TNNI3: variants seen among roughly 807,000 people sequenced by gnomAD.
TNNI3 encodes troponin I, cardiac muscle.
In TNNI3, 23 loss-of-function variants were observed where a neutral mutation model predicts 31.5. The observed-to-expected ratio is 0.73, with a 90% CI of 0.52 to 1.03. The LOEUF (loss-of-function observed/expected upper bound fraction) is 1.03. Ranked by LOEUF, TNNI3 falls within the 50% of genes least tolerant of loss-of-function variation. The pLI, the probability that TNNI3 is intolerant of heterozygous loss-of-function variation, is 0.00. For synonymous variants in TNNI3, 120 were observed against 111.7 expected (o/e 1.07, Z -0.47); for missense variants, 236 against 282.9 (o/e 0.83, Z 1.19).
At position 55,151,776 on chromosome 19, in the gene TNNI3, A is replaced by G; in HGVS notation, c.*58T>C. On this transcript the variant is annotated 3_prime_UTR_variant, in exon 8 of 8. Coordinates refer to ENST00000344887, the MANE Select transcript of TNNI3 (RefSeq NM_000363.5). The stretch of plus-strand genomic sequence containing the variant: ...ATAGACATGGAGTCACTTTCAGCTC[A>G]GAGAGAAGCTTTATTCCTCAGGGCC... The G allele has an allele frequency of 6.5e-7, 1 of 1,540,646 alleles. No individual in the cohort carries two copies. Among genetic ancestry groups the G allele is most frequent in the Non-Finnish European group, 9.0e-7 (1 of 1,113,940 alleles).
chr19:55,153,155 C>T (rs1249377568), intron 7 of TNNI3, among the ~76,000 whole-genome samples: 2 of 151,898 alleles, frequency 1.3e-5, no homozygotes, highest in Admixed American at 1.3e-4. Context: ...TGGTCTCGAA[C>T]TCCAGAGCTC....
Position 55,154,051 on chromosome 19 carries a change from C to T in TNNI3, c.528G>A (p.Val176=). 1.2e-6 allele frequency: 2 copies of T among 1,612,466 alleles called. No homozygotes were observed. The highest frequency in any genetic ancestry group is 1.9e-4 in the Middle Eastern group (1 of 5,380). The part of the protein sequence containing the change: ...SLDLRAHLKQ[V]KKEDTEKENR... ...TCACCTTCTCGGTGTCCTCCTTCTT[C>T]ACCTGCTTGAGGTGGGCCCGCAGGT... Residue 176 remains valine, a synonymous_variant, in exon 7 of 8, where the codon GTG becomes GTA. Transcript: ENST00000344887.
chr19:55,156,295 C>G lies in TNNI3; in HGVS notation c.188G>C (p.Arg63Pro). The part of the protein sequence containing the change: ...LLQIAKQELE[R>P]EAEERRGEKG... The stretch of plus-strand genomic sequence containing the variant: ...CTCTCCGCGCCGCTCCTCCGCCTCT[C>G]GCTCCAGCTCTTGCTTTGCAATCTG... Residue 63 changes from arginine (R) to proline (P), a missense_variant, in exon 5 of 8, where the codon CGA becomes CCA. Arg to Pro is a moderately radical substitution (Grantham distance 103, BLOSUM62 -2). Coordinates refer to ENST00000344887, the MANE Select transcript of TNNI3 (RefSeq NM_000363.5). The surrounding 1 kb of genome is among the most constrained non-coding windows in gnomAD (Gnocchi z 4.6). The G allele has an allele frequency of 6.2e-7, 1 of 1,610,768 alleles. No homozygotes were observed. The highest frequency in any genetic ancestry group is 8.5e-7 in the Non-Finnish European group (1 of 1,179,192).
rs2147286009 is a variant in TNNI3 at position 55,157,116 on chromosome 19, A to G, written c.42T>C (p.Pro14=). ...GSSDAAREPR[P]APAPIRRRSS... is the part of the protein sequence containing the mutation. Reference sequence around the variant, plus strand: ...AGCGGCGTCTGATTGGGGCTGGTGCAGGGCGAGGTTCCCTAGCCTGGGTTA... The same window carrying G: ...AGCGGCGTCTGATTGGGGCTGGTGCGGGGCGAGGTTCCCTAGCCTGGGTTA... Residue 14 remains proline (P), a synonymous_variant, in exon 3 of 8, where the codon CCT becomes CCC. Transcript: ENST00000344887. This position sits in a 1 kb window ranked among gnomAD's most constrained non-coding sequence, Gnocchi z 6.3. 7 of 1,602,306 alleles carry G rather than the reference A, an allele frequency of 4.4e-6. No individual in the cohort carries two copies. Among genetic ancestry groups the G allele is most frequent in the Non-Finnish European group, 6.0e-6 (7 of 1,176,184 alleles).
At position 55,157,159 on chromosome 19, in the gene TNNI3, A is replaced by G; in HGVS notation, c.25-26T>C. On this transcript the variant is annotated intron_variant, in intron 2 of 7. Transcript: ENST00000344887. This position sits in a 1 kb window ranked among gnomAD's most constrained non-coding sequence, Gnocchi z 6.3. ...CTGGGTTAGGAGGAGTGGGGACCCC[A>G]TCACCACCAAGACCCCACCCAGCCC... 1.3e-6 allele frequency: 2 copies of G among 1,591,400 alleles called. No homozygotes were observed. The highest frequency in any genetic ancestry group is 1.7e-6 in the Non-Finnish European group (2 of 1,170,474).
chr19:55,151,875 G>C lies in TNNI3; in HGVS notation c.592C>G (p.Leu198Val), dbSNP rs727504285. The C allele has an allele frequency of 1.9e-6, 3 of 1,614,010 alleles. No individual in the cohort carries two copies. The highest frequency in any genetic ancestry group is 1.7e-6 in the Non-Finnish European group (2 of 1,180,014). ...VGDWRKNIDA[L>V]SGMEGRKKKF... ...TTCTTGCGGCCCTCCATTCCACTCAGTGCATCGATGTTCTTGCGCCAGTCT... is the reference window on the plus strand; with the variant it reads ...TTCTTGCGGCCCTCCATTCCACTCACTGCATCGATGTTCTTGCGCCAGTCT... The change falls in exon 8 of 8, where the codon CTG becomes GTG. Residue 198 changes from leucine (L) to valine (V), a missense_variant. Physicochemically the swap from Leu to Val is conservative, Grantham distance 32. This residue lies in a region of TNNI3 where 28 missense variants were observed against 36.2 expected (regional missense o/e 0.77). Transcript: ENST00000344887.
Position 55,157,199 on chromosome 19 carries a change from C to G in TNNI3, c.25-66G>C. The G allele has an allele frequency of 6.3e-7, 1 of 1,593,764 alleles. No individual in the cohort carries two copies. The stretch of plus-strand genomic sequence containing the variant: ...CCACCCAGCCCTTACCGTACCGCAC[C>G]CTCTGCTAGGGCTGCAGCCTCCCGC... On this transcript the variant is annotated intron_variant, in intron 2 of 7. Transcript: ENST00000344887. The surrounding 1 kb of genome is among the most constrained non-coding windows in gnomAD (Gnocchi z 6.3).
rs1217241996 is a variant in TNNI3 at position 55,152,246 on chromosome 19, T to C, written c.550-329A>G. Among the ~76,000 whole-genome samples, 1 of 152,104 alleles carries C rather than the reference T, an allele frequency of 6.6e-6. No homozygotes were observed. Among genetic ancestry groups the C allele is most frequent in the Non-Finnish European group, 1.5e-5 (1 of 68,020 alleles). On this transcript the variant is annotated intron_variant, in intron 7 of 7. Transcript: ENST00000344887. This position sits in a 1 kb window ranked among gnomAD's most constrained non-coding sequence, Gnocchi z 4.0. ...TCCCCTCCACTTCCTGTCTCCTTCCTGCACTTCCTATCTTTCCCCTCCACT... is the reference window on the plus strand; with the variant it reads ...TCCCCTCCACTTCCTGTCTCCTTCCCGCACTTCCTATCTTTCCCCTCCACT...
In TNNI3 at chr19:55,157,079, G is replaced by T; in HGVS notation, c.79C>A (p.Arg27Ser). 6.2e-7 allele frequency: 1 copy of T among 1,601,338 alleles called. No homozygotes were observed. Among genetic ancestry groups the T allele is most frequent in the East Asian group, 2.2e-5 (1 of 44,452 alleles). The change falls in exon 3 of 8, where the codon CGC becomes AGC. Residue 27 changes from arginine (R) to serine (S), a missense_variant. Arg to Ser is a moderately radical substitution (Grantham distance 110). Transcript: ENST00000344887. This position sits in a 1 kb window ranked among gnomAD's most constrained non-coding sequence, Gnocchi z 6.3. ...APIRRRSSNY[R>S]AYATEPHAKK... ...GCGTGCGGCTCCGTGGCATAAGCGC[G>T]GTAGTTGGAGGAGCGGCGTCTGATT...
chr19:55,154,626 T>C, intron 6 of TNNI3, 115 bp downstream of exon 6: 1 of 883,030 alleles, frequency 1.1e-6, no homozygotes, highest in Non-Finnish European at 1.9e-6. Context: ...GGCTCACAGT[T>C]GTCCTGGGTC....
At position 55,157,559 on chromosome 19, in the gene TNNI3, T is replaced by C; in HGVS notation, c.11+20A>G. The C allele has an allele frequency of 6.2e-7, 1 of 1,613,578 alleles. No individual in the cohort carries two copies. The highest frequency in any genetic ancestry group is 8.5e-7 in the Non-Finnish European group (1 of 1,179,710). On this transcript the variant is annotated intron_variant, in intron 1 of 7. Coordinates refer to ENST00000344887, the MANE Select transcript of TNNI3 (RefSeq NM_000363.5). The surrounding 1 kb of genome is among the most constrained non-coding windows in gnomAD (Gnocchi z 6.3). ...CCGGGAGGTCGCCCCCAACTCCCACTGCCTTGGGGCATCACTCACCCATCC... is the reference window on the plus strand; with the variant it reads ...CCGGGAGGTCGCCCCCAACTCCCACCGCCTTGGGGCATCACTCACCCATCC...
At chr19:55,154,491 G>A (rs1362988162) in intron 6 of TNNI3, 7 of 625,154 alleles carry the variant, frequency 1.1e-5, no homozygotes, top group South Asian at 9.4e-5. Context: ...AACATGTGAT[G>A]CCCTGAGCAT....
In TNNI3 at chr19:55,151,803, T is replaced by A; in HGVS notation, c.*31A>T. ...AGAGAAGCTTTATTCCTCAGGGCCC[T>A]CCTCAGGGCAGGGGCAGTAGGCAGG... On this transcript the variant is annotated 3_prime_UTR_variant, in exon 8 of 8. Transcript: ENST00000344887. The A allele has an allele frequency of 6.2e-7, 1 of 1,605,464 alleles. No homozygotes were observed. The highest frequency in any genetic ancestry group is 8.5e-7 in the Non-Finnish European group (1 of 1,172,300).
Position 55,156,805 on chromosome 19 carries a change from T to TC in TNNI3, c.109-162dup, listed in dbSNP as rs1480186097. The TC allele has an allele frequency of 2.2e-6, 2 of 889,202 alleles. No homozygotes were observed. Among genetic ancestry groups the TC allele is most frequent in the Admixed American group, 4.1e-5 (2 of 49,188 alleles). 55.1% of individuals were successfully genotyped at this position (889,202 alleles called of 1,614,324 possible). A position where few individuals can be genotyped will look rare whatever the true frequency, so the allele number is the denominator to read the frequency against. On this transcript the variant is annotated intron_variant, in intron 3 of 7. Transcript: ENST00000344887. The surrounding 1 kb of genome is among the most constrained non-coding windows in gnomAD (Gnocchi z 4.6). The stretch of plus-strand genomic sequence containing the variant: ...CGGGAGGCCACGCCCCTCATTCCCA[T>TC]CCACCAATCTGGGTCTCTTCCTTTG...
intron 6 of TNNI3, chr19:55,154,419 C>A (rs2085714431): frequency 3.1e-6 from 2 of 639,144 alleles, no homozygotes; most frequent in Non-Finnish European, 5.5e-6. Context: ...AAACCACTGG[C>A]ATAACCTGGT....
chr19:55,157,062 C>A lies in TNNI3; in HGVS notation c.96G>T (p.Glu32Asp). ...RSSNYRAYAT[E>D]PHAKKKSKIS... ...AGCCCCGTCCCACCTTGGCGTGCGG[C>A]TCCGTGGCATAAGCGCGGTAGTTGG... The change falls in exon 3 of 8, where the codon GAG becomes GAT. Residue 32 changes from glutamate to aspartate, a missense_variant. Glu to Asp is a conservative substitution (Grantham distance 45). Around this residue, in one of 4 missense-constraint regions of TNNI3, gnomAD observed 172 missense variants for 171.8 expected, o/e 1.00. Coordinates refer to ENST00000344887, the MANE Select transcript of TNNI3 (RefSeq NM_000363.5). This position sits in a 1 kb window ranked among gnomAD's most constrained non-coding sequence, Gnocchi z 6.3. The A allele has an allele frequency of 6.3e-7, 1 of 1,595,600 alleles. No individual in the cohort carries two copies.
At chr19:55,154,876 G>A (rs1916222778) in intron 5 of TNNI3, 46 bp from the exon 6 acceptor site, 1 of 1,562,706 alleles carries the variant, frequency 6.4e-7, no homozygotes. Flanking sequence ...CCAAAAACAG[G>A]GAGACCTGGA....
chr19:55,154,914 G>T, intron 5 of TNNI3, 84 bp from the exon 6 acceptor site: 1 of 1,216,878 alleles, frequency 8.2e-7, no homozygotes, highest in South Asian at 1.2e-5. Context: ...GAAGGGGCTC[G>T]GGGCCTGGAC....
chr19:55,156,851 C>T lies in TNNI3; in HGVS notation c.108+199G>A. On this transcript the variant is annotated intron_variant, in intron 3 of 7. Transcript: ENST00000344887. This position sits in a 1 kb window ranked among gnomAD's most constrained non-coding sequence, Gnocchi z 4.6. The stretch of plus-strand genomic sequence containing the variant: ...CTTTGGATAGGCACTTCCCATCTAT[C>T]CCTAAGCAAGTCCGAGGGCAACGGA... 1.2e-6 allele frequency: 1 copy of T among 838,994 alleles called. No homozygotes were observed. The highest frequency in any genetic ancestry group is 1.9e-6 in the Non-Finnish European group (1 of 517,450). 52.0% of individuals were successfully genotyped at this position (838,994 alleles called of 1,614,324 possible). A position where few individuals can be genotyped will look rare whatever the true frequency, so the allele number is the denominator to read the frequency against.
Sources: allele counts gnomAD v4.1 joint callset (sites outside exome capture counted in the v4.1 genomes callset), GRCh38; gene constraint gnomAD v4.1.1; regional missense constraint gnomAD v4.1.1; non-coding constraint Gnocchi (gnomAD v3.1); transcripts MANE v1.5; gene names NCBI Gene and HGNC (gene_info 2026-07-23, HGNC 2026-07-21).